The following ACBD5 variants were observed in gnomAD, a reference collection of about 807,000 sequenced individuals.
The protein encoded by ACBD5 is acyl-CoA binding domain containing 5, also known as acyl-CoA-binding domain-containing protein 5.
ACBD5 carries 40 observed loss-of-function variants against 71.8 expected under a neutral mutation model. The ratio of observed to expected loss-of-function variants is 0.56; its 90% confidence interval spans 0.43 to 0.72. The LOEUF (loss-of-function observed/expected upper bound fraction) is 0.72, where lower values mean the gene tolerates loss of function less well. Ranked by LOEUF, ACBD5 falls within the 30% of genes least tolerant of loss-of-function variation. The pLI is 0.00. For synonymous variants in ACBD5, 229 were observed against 218.6 expected (o/e 1.05, Z -0.42); for missense variants, 559 against 644.5 (o/e 0.87, Z 1.44).
chr10:27,239,885 T>C (rs112007925), intron 2 of ACBD5, among the ~76,000 whole-genome samples: 7 of 152,326 alleles, frequency 4.6e-5, no homozygotes, highest in African/African-American at 1.7e-4. Context: ...TAGCTGGGAC[T>C]ACAGGCGCAC....
At position 27,204,595 on chromosome 10, in the gene ACBD5, T is replaced by A. The variant is rs764293072; in HGVS notation, c.1456-46A>T. 4.5e-5 allele frequency: 61 copies of A among 1,357,802 alleles called. No homozygotes were observed. In the South Asian group the frequency reaches 7.2e-4, roughly 16 times the overall value. The allele number at this position is 1,357,802 out of a possible 1,614,324, so 84.1% of individuals were successfully genotyped here. ...TGTCACCAATCTATTCAATACTGCA[T>A]GTATAAACTTAAAAACATACCTAAT... On this transcript the variant is annotated intron_variant, in intron 11 of 12. Transcript: ENST00000396271.
chr10:27,212,801 G>A (rs184715960), intron 8 of ACBD5, among the ~76,000 whole-genome samples: 40 of 151,992 alleles, frequency 2.6e-4, no homozygotes, highest in Non-Finnish European at 4.7e-4. Context: ...CACCTGCCTC[G>A]GCCTCCCACA....
At chr10:27,221,912 C>A (rs2062385680) in intron 5 of ACBD5, among the ~76,000 whole-genome samples, 4 of 80,686 alleles carry the variant, frequency 5.0e-5, no homozygotes, top group East Asian at 3.4e-4. Flanking sequence ...AGGAAGACTC[C>A]ATCTCAAAAA....
intron 4 of ACBD5, among the ~76,000 whole-genome samples, chr10:27,228,550 C>T (rs1307725988): frequency 1.3e-5 from 2 of 151,692 alleles, no homozygotes; most frequent in Non-Finnish European, 2.9e-5. Flanking sequence ...ACACTCTAGC[C>T]CAGGCGACAG....
At chr10:27,194,232 C>A (rs2059203884), downstream of ACBD5, among the ~76,000 whole-genome samples, 8 of 145,310 alleles carry the variant, frequency 5.5e-5, no homozygotes, top group South Asian at 1.8e-3. Flanking sequence ...GCCTGGGCAA[C>A]CAGAGCGAAA....
At chr10:27,238,229 G>A (rs12264871) in intron 2 of ACBD5, among the ~76,000 whole-genome samples, 14,105 of 152,156 alleles carry the variant, frequency 0.093, 888 homozygotes, top group African/African-American at 0.16. Flanking sequence ...AGCCTGCCTC[G>A]GCCTCCCACA....
At chr10:27,230,917 T>C (rs915634591) in intron 4 of ACBD5, among the ~76,000 whole-genome samples, 5 of 151,714 alleles carry the variant, frequency 3.3e-5, no homozygotes, top group African/African-American at 1.2e-4. Context: ...GAATGCCCCT[T>C]CCTTACTAGT....
upstream of ACBD5, among the ~76,000 whole-genome samples, chr10:27,241,460 G>T (rs1212459500): frequency 1.3e-5 from 2 of 152,180 alleles, no homozygotes; most frequent in Non-Finnish European, 2.9e-5. Context: ...CCGAAGGAGA[G>T]AGGAGGTCGC....
chr10:27,228,815 A>ATTTTTTTTTT (rs1167438554), intron 4 of ACBD5, among the ~76,000 whole-genome samples: 5 of 20,368 alleles, frequency 2.5e-4, no homozygotes, highest in East Asian at 1.9e-3. Context: ...ATATATATAT[A>ATTTTTTTTTT]TTTTTTTTTT....
intron 9 of ACBD5, among the ~76,000 whole-genome samples, chr10:27,210,478 C>T (rs1022896245): frequency 6.6e-6 from 1 of 152,046 alleles, no homozygotes; most frequent in African/African-American, 2.4e-5. Context: ...ATTAGTCAGG[C>T]GGCCGGGCAC....
chr10:27,235,089 T>C lies in ACBD5; in HGVS notation c.302+3A>G. 1 of 1,613,760 alleles carries C rather than the reference T, an allele frequency of 6.2e-7. No individual in the cohort carries two copies. Among genetic ancestry groups the C allele is most frequent in the South Asian group, 1.1e-5 (1 of 91,076 alleles). The stretch of plus-strand genomic sequence containing the variant: ...TCTTGCATAGCTCTACACAAAAAAT[T>C]ACCATTTATATCTTCCAATAGGATC... On this transcript the variant is annotated splice_donor_region_variant and intron_variant, in intron 3 of 12. Coordinates refer to ENST00000396271, the MANE Select transcript of ACBD5 (RefSeq NM_145698.5).
At chr10:27,200,647 T>C (rs527942291) in intron 12 of ACBD5, among the ~76,000 whole-genome samples, 4 of 152,016 alleles carry the variant, frequency 2.6e-5, no homozygotes, top group South Asian at 2.1e-4. Flanking sequence ...TTAGTAGAGA[T>C]AGAGTTTCAC....
At chr10:27,219,677 T>C in intron 6 of ACBD5, 46 bp downstream of exon 6, 17 of 1,609,904 alleles carry the variant, frequency 1.1e-5, no homozygotes, top group Non-Finnish European at 1.4e-5. Context: ...TCATACCCTC[T>C]TAGTTTATTT....
In ACBD5 at chr10:27,196,450, T is replaced by C; in HGVS notation, c.*980A>G. 1 of 454,494 alleles carries C rather than the reference T, an allele frequency of 2.2e-6. No individual in the cohort carries two copies. 28.2% of individuals were successfully genotyped at this position (454,494 alleles called of 1,614,324 possible). A position where few individuals can be genotyped will look rare whatever the true frequency, so the allele number is the denominator to read the frequency against. ...AAATCCCTCCAGTACTCCTGTGAAG[T>C]AGGTGTATCTAAAATAGTATACCCC... On this transcript the variant is annotated 3_prime_UTR_variant, in exon 13 of 13. Coordinates refer to ENST00000396271, the MANE Select transcript of ACBD5 (RefSeq NM_145698.5).
chr10:27,184,304 T>C (rs1185927674), intron 13 of ACBD5, among the ~76,000 whole-genome samples: 2 of 152,168 alleles, frequency 1.3e-5, no homozygotes, highest in Admixed American at 1.3e-4. Flanking sequence ...AGAGGGGCAT[T>C]TGAGCAGAAA....
intron 2 of ACBD5, among the ~76,000 whole-genome samples, chr10:27,236,474 C>T (rs1487490651): frequency 4.6e-5 from 7 of 152,092 alleles, no homozygotes; most frequent in Non-Finnish European, 8.8e-5. Context: ...TTCCTTTTCA[C>T]TTATGTGTTT....
chr10:27,191,812 C>T (rs541117525), downstream of ACBD5, among the ~76,000 whole-genome samples: 25 of 152,012 alleles, frequency 1.6e-4, no homozygotes, highest in African/African-American at 5.5e-4. Context: ...CACTTGAACC[C>T]GGGAGGCAGA....
At chr10:27,188,621 T>G (rs980476514) in intron 13 of ACBD5, among the ~76,000 whole-genome samples, 2 of 152,128 alleles carry the variant, frequency 1.3e-5, no homozygotes, top group Non-Finnish European at 2.9e-5. Context: ...TGGCCTTGAG[T>G]GGAAAGTTAC....
At chr10:27,218,238 C>A (rs1308424836) in intron 6 of ACBD5, 55 bp from the exon 7 acceptor site, 104 of 1,344,364 alleles carry the variant, frequency 7.7e-5, no homozygotes, top group Non-Finnish European at 1.1e-4. Flanking sequence ...TCACCTTCTG[C>A]ATACCATGTT....
Sources: allele counts gnomAD v4.1 joint callset (sites outside exome capture counted in the v4.1 genomes callset), GRCh38; gene constraint gnomAD v4.1.1; transcripts MANE v1.5; gene names NCBI Gene and HGNC (gene_info 2026-07-23, HGNC 2026-07-21).